The following FMNL2 variants were observed in gnomAD, a reference collection of about 807,000 sequenced individuals.
FMNL2 encodes the protein formin-like protein 2.
In FMNL2, 51 loss-of-function variants were observed where a neutral mutation model predicts 130.2. The ratio of observed to expected loss-of-function variants is 0.39; its 90% CI spans 0.31 to 0.49. The LOEUF (loss-of-function observed/expected upper bound fraction) is 0.49. Ranked by LOEUF, FMNL2 falls within the 20% of genes least tolerant of loss-of-function variation. The pLI, the probability that FMNL2 is intolerant of heterozygous loss-of-function variation, is 0.85. For missense variants in FMNL2, 977 were observed against 1,316.2 expected (o/e 0.74, Z 3.99); for synonymous variants, 465 against 467.1 (o/e 1.00, Z 0.06).
At chr2:152,517,362 G>T (rs1479071195) in intron 1 of FMNL2, among the ~76,000 whole-genome samples, 4 of 152,108 alleles carry the variant, frequency 2.6e-5, no homozygotes, top group Admixed American at 2.0e-4. Context: ...TCAACAACCT[G>T]CTTAATGCCT....
At chr2:152,587,459 C>T (rs956345693) in intron 9 of FMNL2, among the ~76,000 whole-genome samples, 4 of 152,202 alleles carry the variant, frequency 2.6e-5, no homozygotes, top group Non-Finnish European at 5.9e-5. Flanking sequence ...ATTCGTCTTT[C>T]ATTTTCTCCC....
chr2:152,603,665 CAT>C lies in FMNL2; in HGVS notation c.877-3673_877-3672del, dbSNP rs370920890. ...GCTATGAGTAGTTTGTTGCCGTCCA[CAT>C]GTGCTTTTCCAGCCATTCAAAACCT... On this transcript the variant is annotated intron_variant, in intron 9 of 25. Transcript: ENST00000288670. Among the ~76,000 whole-genome samples the C allele has an allele frequency of 1.8e-3, 265 of 151,030 alleles. 6 individuals are homozygous for C. Among genetic ancestry groups the C allele is most frequent in the African/African-American group, 6.1e-3 (252 of 41,486 alleles).
Position 152,342,320 on chromosome 2 carries a change from C to T in FMNL2, c.117+6600C>T, listed in dbSNP as rs191732540. On this transcript the variant is annotated intron_variant, in intron 1 of 25. Transcript: ENST00000288670. ...TGATTGCCCCTCCTTTGCAAGAGGACGCTGTAACTGGAGTACTTTTAGGAA... is the reference window on the plus strand; with the variant it reads ...TGATTGCCCCTCCTTTGCAAGAGGATGCTGTAACTGGAGTACTTTTAGGAA... Among the ~76,000 whole-genome samples the T allele has an allele frequency of 2.8e-4, 42 of 152,238 alleles. 1 individual carries two copies. The highest frequency in any genetic ancestry group is 2.1e-4 in the South Asian group (1 of 4,822).
chr2:152,646,292 T>C (rs562378413), intron 25 of FMNL2, among the ~76,000 whole-genome samples: 2 of 152,184 alleles, frequency 1.3e-5, no homozygotes, highest in Non-Finnish European at 2.9e-5. Context: ...AGATCACCAC[T>C]ACACTCGAGC....
At chr2:152,605,997 G>T (rs111925287) in intron 9 of FMNL2, among the ~76,000 whole-genome samples, 14 of 152,288 alleles carry the variant, frequency 9.2e-5, no homozygotes, top group African/African-American at 3.1e-4. Context: ...TAACAAATAC[G>T]ATTGGGAACT....
intron 1 of FMNL2, among the ~76,000 whole-genome samples, chr2:152,357,700 A>G (rs1682915284): frequency 1.3e-5 from 2 of 149,646 alleles, no homozygotes; most frequent in Non-Finnish European, 3.0e-5. Context: ...AATCAGTTTA[A>G]TATATAAAAA....
chr2:152,458,105 G>A (rs547511868), intron 1 of FMNL2, among the ~76,000 whole-genome samples: 1 of 152,190 alleles, frequency 6.6e-6, no homozygotes, highest in Admixed American at 6.5e-5. Flanking sequence ...CTGGGGATTG[G>A]GATGGGTATA....
chr2:152,624,596 T>C (rs1372615071), intron 15 of FMNL2, among the ~76,000 whole-genome samples: 2 of 152,148 alleles, frequency 1.3e-5, no homozygotes, highest in African/African-American at 4.8e-5. Context: ...CCCAGCACTC[T>C]GGGAGGCCGA....
chr2:152,430,048 TAAAAAC>T (rs1195093491), intron 1 of FMNL2, among the ~76,000 whole-genome samples: 2 of 152,198 alleles, frequency 1.3e-5, no homozygotes, highest in Non-Finnish European at 2.9e-5. Context: ...CCCCTGAACT[TAAAAAC>T]AAAAAACAAA....
chr2:152,393,753 G>C (rs1036060821), intron 1 of FMNL2, among the ~76,000 whole-genome samples: 1 of 152,200 alleles, frequency 6.6e-6, no homozygotes, highest in African/African-American at 2.4e-5. Flanking sequence ...TAGTAGGTCA[G>C]AGGTTAGCTA....
intron 2 of FMNL2, among the ~76,000 whole-genome samples, chr2:152,532,229 T>C (rs79368258): frequency 0.054 from 8,260 of 152,166 alleles, 389 homozygotes; most frequent in East Asian, 0.21. Context: ...TTCAAGAGAG[T>C]TGTGCTCAGT....
At chr2:152,491,722 G>A (rs550638069) in intron 1 of FMNL2, among the ~76,000 whole-genome samples, 2 of 152,270 alleles carry the variant, frequency 1.3e-5, no homozygotes, top group East Asian at 1.9e-4. Flanking sequence ...AGGCTGAGGC[G>A]AGAGGATCAC....
At chr2:152,347,583 A>C (rs1170380572) in intron 1 of FMNL2, among the ~76,000 whole-genome samples, 3 of 152,166 alleles carry the variant, frequency 2.0e-5, no homozygotes, top group Admixed American at 2.0e-4. Flanking sequence ...TTTGGGCATT[A>C]ATACTTGGAA....
chr2:152,551,069 G>A lies in FMNL2; in HGVS notation c.359+1972G>A, dbSNP rs531701325. Among the ~76,000 whole-genome samples, 6 of 151,208 alleles carry A rather than the reference G, an allele frequency of 4.0e-5. No individual in the cohort carries two copies. The South Asian group carries it at 8.4e-4, about 21-fold the overall frequency. ...CAGGAGAATCACTTGAACCTGGGAGGTGGAAGTTGCAAGTGAGCCGAGATC... is the reference window on the plus strand; with the variant it reads ...CAGGAGAATCACTTGAACCTGGGAGATGGAAGTTGCAAGTGAGCCGAGATC... On this transcript the variant is annotated intron_variant, in intron 4 of 25. Transcript: ENST00000288670.
intron 2 of FMNL2, among the ~76,000 whole-genome samples, chr2:152,541,313 C>A (rs371668556): frequency 8.5e-5 from 13 of 152,258 alleles, no homozygotes; most frequent in African/African-American, 3.1e-4. Context: ...TGTGCCACCA[C>A]ACCCAGCTAA....
chr2:152,343,708 T>G (rs553314016), intron 1 of FMNL2, among the ~76,000 whole-genome samples: 2 of 152,320 alleles, frequency 1.3e-5, no homozygotes, highest in Non-Finnish European at 2.9e-5. Flanking sequence ...GGTTGAGGGT[T>G]TGCTCAGGAA....
intron 1 of FMNL2, among the ~76,000 whole-genome samples, chr2:152,479,929 C>T (rs1213035854): frequency 3.3e-5 from 5 of 151,936 alleles, no homozygotes; most frequent in Admixed American, 2.0e-4. Flanking sequence ...ATGTGACTTA[C>T]GTTGCATGGG....
At chr2:152,545,127 C>G (rs1381520049) in intron 3 of FMNL2, among the ~76,000 whole-genome samples, 2 of 152,160 alleles carry the variant, frequency 1.3e-5, no homozygotes, top group Non-Finnish European at 2.9e-5. Flanking sequence ...TAGTAAGATT[C>G]TGTCAGGAGC....
intron 1 of FMNL2, among the ~76,000 whole-genome samples, chr2:152,463,817 T>G (rs957400339): frequency 6.6e-6 from 1 of 152,236 alleles, no homozygotes; most frequent in African/African-American, 2.4e-5. Flanking sequence ...TAGTTTATAA[T>G]GAATTGAATG....
Sources: gnomAD v4.1 joint callset for allele counts (sites outside exome capture counted in the v4.1 genomes callset) on GRCh38, gnomAD v4.1.1 for gene constraint, MANE v1.5 for transcripts, NCBI Gene and HGNC (gene_info 2026-07-23, HGNC 2026-07-21) for gene names.